NEK10: variants seen among roughly 807,000 people sequenced by gnomAD.
NEK10 encodes the protein serine/threonine-protein kinase Nek10.
A neutral mutation model predicts 159.8 loss-of-function variants in NEK10; 122 were observed. That is an observed-to-expected ratio of 0.76 (90% CI 0.66 to 0.89). The LOEUF (loss-of-function observed/expected upper bound fraction) is 0.89. Ranked by LOEUF, NEK10 falls within the 40% of genes least tolerant of loss-of-function variation. The probability of loss-of-function intolerance (pLI) is 0.00; values close to 1 mark genes in which losing one functional copy is unlikely to be tolerated. For synonymous variants in NEK10, 466 were observed against 457.1 expected (o/e 1.02, Z -0.25); for missense variants, 1,342 against 1,323.1 (o/e 1.01, Z -0.22).
At chr3:27,226,715 T>C (rs903452206) in intron 23 of NEK10, among the ~76,000 whole-genome samples, 2 of 152,124 alleles carry the variant, frequency 1.3e-5, no homozygotes, top group Non-Finnish European at 2.9e-5. Flanking sequence ...ACATATCTAA[T>C]ATTAAGATGA....
chr3:27,230,418 C>T (rs1382308617), intron 23 of NEK10, among the ~76,000 whole-genome samples: 1 of 151,904 alleles, frequency 6.6e-6, no homozygotes, highest in Non-Finnish European at 1.5e-5. Flanking sequence ...ATAGAACCAC[C>T]TTAAAGCATA....
chr3:27,192,685 A>G (rs1949224106), intron 25 of NEK10, among the ~76,000 whole-genome samples: 1 of 152,160 alleles, frequency 6.6e-6, no homozygotes, highest in Non-Finnish European at 1.5e-5. Context: ...AGCTGCTTCA[A>G]GGTAATATTA....
At position 27,255,572 on chromosome 3, in the gene NEK10, T is replaced by C. The variant is rs73821931; in HGVS notation, c.2090+724A>G. Among the ~76,000 whole-genome samples the C allele has an allele frequency of 5.4e-3, 821 of 152,252 alleles. 10 individuals are homozygous for C. Among genetic ancestry groups the C allele is most frequent in the African/African-American group, 0.019 (784 of 41,568 alleles). On this transcript the variant is annotated intron_variant, in intron 23 of 35. Transcript: ENST00000691995. Reference sequence around the variant, plus strand: ...GATTTCAGAATATTTCCCTGAAATCTGCTTTTCTACTCTTTACCATAACTG... The same window carrying C: ...GATTTCAGAATATTTCCCTGAAATCCGCTTTTCTACTCTTTACCATAACTG...
At chr3:27,139,729 GC>G (rs1943585598) in intron 31 of NEK10, among the ~76,000 whole-genome samples, 1 of 152,178 alleles carries the variant, frequency 6.6e-6, no homozygotes, top group Non-Finnish European at 1.5e-5. Context: ...AGGGTAAAAT[GC>G]CAGAGCTTCT....
At chr3:27,352,260 C>T (rs916108938) in intron 3 of NEK10, among the ~76,000 whole-genome samples, 3 of 152,106 alleles carry the variant, frequency 2.0e-5, no homozygotes, top group Non-Finnish European at 2.9e-5. Flanking sequence ...TAAAGCAGGG[C>T]CTGGCCTGAG....
intron 31 of NEK10, among the ~76,000 whole-genome samples, chr3:27,133,762 G>A (rs1267703146): frequency 1.3e-5 from 2 of 152,076 alleles, no homozygotes; most frequent in African/African-American, 2.4e-5. Context: ...CAATGAGAGC[G>A]AAACTCCATC....
chr3:27,342,989 A>C (rs1427616007), intron 5 of NEK10, among the ~76,000 whole-genome samples: 1 of 152,140 alleles, frequency 6.6e-6, no homozygotes, highest in Non-Finnish European at 1.5e-5. Context: ...TCGAGAACTG[A>C]ACAGTGACCC....
rs114745240 is a variant in NEK10 at position 27,211,961 on chromosome 3, T to C, written c.2091-9404A>G. ...CTTTGGAGGTGAGGTTGGGTAGATA[T>C]TAATTTCCTCACATCTGTAAGACAG... On this transcript the variant is annotated intron_variant, in intron 23 of 35. Coordinates refer to ENST00000691995, the MANE Select transcript of NEK10 (RefSeq NM_001394966.1). 4.1e-3 allele frequency among the ~76,000 whole-genome samples: 629 copies of C among 152,364 alleles called. 2 individuals are homozygous for C. The highest frequency in any genetic ancestry group is 0.013 in the African/African-American group (550 of 41,592).
chr3:27,297,096 T>C (rs1171585288), intron 14 of NEK10, 83 bp downstream of exon 14: 1 of 785,922 alleles, frequency 1.3e-6, no homozygotes, highest in Non-Finnish European at 2.2e-6. Flanking sequence ...CCAAAACCTA[T>C]GTTCTGGGAT....
chr3:27,127,257 G>A (rs1433875364), intron 32 of NEK10, among the ~76,000 whole-genome samples: 2 of 152,064 alleles, frequency 1.3e-5, no homozygotes, highest in Non-Finnish European at 2.9e-5. Context: ...CTTTAAAAGA[G>A]ATGGATTTCT....
At chr3:27,321,706 C>A (rs958499680) in intron 6 of NEK10, among the ~76,000 whole-genome samples, 1 of 152,100 alleles carries the variant, frequency 6.6e-6, no homozygotes, top group African/African-American at 2.4e-5. Flanking sequence ...TCCTTGCTCA[C>A]CTCTAGCTCA....
At chr3:27,232,592 C>G (rs967893356) in intron 23 of NEK10, among the ~76,000 whole-genome samples, 5 of 151,910 alleles carry the variant, frequency 3.3e-5, no homozygotes, top group Non-Finnish European at 5.9e-5. Context: ...AAAAAAAGAG[C>G]CCACATAGCC....
intron 30 of NEK10, among the ~76,000 whole-genome samples, chr3:27,159,802 A>G (rs1945837621): frequency 6.6e-6 from 1 of 151,918 alleles, no homozygotes; most frequent in African/African-American, 2.4e-5. Flanking sequence ...ACATGAACCT[A>G]GAAGTTCAGC....
rs898993426 is a variant in NEK10 at position 27,332,081 on chromosome 3, T to C, written c.363-9820A>G. Among the ~76,000 whole-genome samples the C allele has an allele frequency of 5.3e-5, 8 of 152,326 alleles. No homozygotes were observed. In the East Asian group the frequency reaches 5.8e-4, roughly 11 times the overall value. On this transcript the variant is annotated intron_variant, in intron 5 of 35. Coordinates refer to ENST00000691995, the MANE Select transcript of NEK10 (RefSeq NM_001394966.1). ...GCATATGCTGGTTATTCTAGAACGATAGTACCAGAACGAGGCCAGTTAAGT... is the reference window on the plus strand; with the variant it reads ...GCATATGCTGGTTATTCTAGAACGACAGTACCAGAACGAGGCCAGTTAAGT...
chr3:27,116,198 T>C, intron 33 of NEK10, 71 bp from the exon 34 acceptor site: 1 of 1,403,710 alleles, frequency 7.1e-7, no homozygotes, highest in Non-Finnish European at 1.0e-6. Flanking sequence ...TACTGGCAAT[T>C]ATGACTTCAA....
At chr3:27,135,866 G>A (rs1394224104) in intron 31 of NEK10, among the ~76,000 whole-genome samples, 1 of 152,118 alleles carries the variant, frequency 6.6e-6, no homozygotes, top group Admixed American at 6.5e-5. Flanking sequence ...GGTCACCCTT[G>A]CCATTAGTAC....
intron 23 of NEK10, among the ~76,000 whole-genome samples, chr3:27,216,944 G>A (rs75981424): frequency 2.0e-5 from 3 of 152,308 alleles, no homozygotes; most frequent in Non-Finnish European, 4.4e-5. Context: ...TGTACAAGCT[G>A]TATTCTGACA....
chr3:27,330,466 T>C (rs2046319319), intron 5 of NEK10, among the ~76,000 whole-genome samples: 2 of 152,110 alleles, frequency 1.3e-5, no homozygotes, highest in African/African-American at 4.8e-5. Context: ...TAATAATCTA[T>C]CAGATAAGTG....
chr3:27,334,876 A>G (rs1292069069), intron 5 of NEK10, among the ~76,000 whole-genome samples: 1 of 152,258 alleles, frequency 6.6e-6, no homozygotes, highest in African/African-American at 2.4e-5. Context: ...TGATTATCCA[A>G]CAATAGATCC....
Sources: allele counts gnomAD v4.1 joint callset (sites outside exome capture counted in the v4.1 genomes callset), GRCh38; gene constraint gnomAD v4.1.1; transcripts MANE v1.5; gene names NCBI Gene and HGNC (gene_info 2026-07-23, HGNC 2026-07-21).